Variants in AUTS2 observed in about 807,000 individuals in gnomAD.
AUTS2 encodes activator of transcription and developmental regulator AUTS2, also known as autism susceptibility gene 2 protein.
In AUTS2, 17 loss-of-function variants were observed where a neutral mutation model predicts 112.4. The ratio of observed to expected loss-of-function variants is 0.15; its 90% CI spans 0.10 to 0.23. The LOEUF is 0.23. Ranked by LOEUF, AUTS2 falls within the 10% of genes least tolerant of loss-of-function variation. The pLI is 1.00. For missense variants in AUTS2, 1,510 were observed against 1,701.6 expected (o/e 0.89, Z 1.98); for synonymous variants, 751 against 702.7 (o/e 1.07, Z -1.09).
In AUTS2 at chr7:70,068,178, C is replaced by CT. The variant is rs774140092; in HGVS notation, c.523-49940dup. Among the ~76,000 whole-genome samples the CT allele has an allele frequency of 6.6e-3, 914 of 137,702 alleles. 6 individuals are homozygous for CT. Among genetic ancestry groups the CT allele is most frequent in the Middle Eastern group, 0.019 (5 of 260 alleles). 90.3% of individuals were successfully genotyped at this position (137,702 alleles called of 152,430 possible). On this transcript the variant is annotated intron_variant, in intron 2 of 18. Coordinates refer to ENST00000342771, the MANE Select transcript of AUTS2 (RefSeq NM_015570.4). Reference sequence around the variant, plus strand: ...CAAAACATAAGTAGATTTTTTTTTTCTTTTTTTTTTTTTTGAGAGAGATGG... The same window carrying CT: ...CAAAACATAAGTAGATTTTTTTTTTCTTTTTTTTTTTTTTTGAGAGAGATGG...
rs551245890 is a variant in AUTS2 at position 69,971,111 on chromosome 7, G to A, written c.522+71613G>A. Among the ~76,000 whole-genome samples, 9 of 152,248 alleles carry A rather than the reference G, an allele frequency of 5.9e-5. No homozygotes were observed. In the South Asian group the frequency reaches 6.2e-4, roughly 11 times the overall value. On this transcript the variant is annotated intron_variant, in intron 2 of 18. Coordinates refer to ENST00000342771, the MANE Select transcript of AUTS2 (RefSeq NM_015570.4). ...GAGGTTCACCTGAGCCTGGGAGGTC[G>A]AGGCTGCAGTGGGCTATGATCCCAC... is the stretch of plus-strand genomic sequence containing the variant.
At chr7:69,970,747 A>G (rs1797816418) in intron 2 of AUTS2, among the ~76,000 whole-genome samples, 1 of 152,202 alleles carries the variant, frequency 6.6e-6, no homozygotes, top group Non-Finnish European at 1.5e-5. Context: ...TTGACCTTGT[A>G]TATACATAAT....
In AUTS2 at chr7:70,486,695, G is replaced by A. The variant is rs1279634106; in HGVS notation, c.690+50914G>A. On this transcript the variant is annotated intron_variant, in intron 5 of 18. Coordinates refer to ENST00000342771, the MANE Select transcript of AUTS2 (RefSeq NM_015570.4). ...GATTGCTTGAACCTAATAGGCAGAGGTTGCAGTGAGCCAAGATCACGCCAC... is the reference window on the plus strand; with the variant it reads ...GATTGCTTGAACCTAATAGGCAGAGATTGCAGTGAGCCAAGATCACGCCAC... Among the ~76,000 whole-genome samples the A allele has an allele frequency of 2.6e-5, 4 of 151,954 alleles. No individual in the cohort carries two copies. In the South Asian group the frequency reaches 6.2e-4, roughly 24 times the overall value.
chr7:70,787,471 C>T lies in AUTS2; in HGVS notation c.2531+40C>T, dbSNP rs755097860. 1.4e-5 allele frequency: 20 copies of T among 1,425,266 alleles called. 1 individual carries two copies. The South Asian group carries it at 2.5e-4, about 18-fold the overall frequency. 88.3% of individuals were successfully genotyped at this position (1,425,266 alleles called of 1,614,324 possible). Reference sequence around the variant, plus strand: ...CGCTCTCGAGTCCCCACGGGGGAGCCTGCTCTATGCCAAGTACCAGTGGAA... The same window carrying T: ...CGCTCTCGAGTCCCCACGGGGGAGCTTGCTCTATGCCAAGTACCAGTGGAA... On this transcript the variant is annotated intron_variant, in intron 18 of 18. Coordinates refer to ENST00000342771, the MANE Select transcript of AUTS2 (RefSeq NM_015570.4).
intron 2 of AUTS2, among the ~76,000 whole-genome samples, chr7:69,968,313 ACTGT>A (rs1797711501): frequency 6.6e-6 from 1 of 152,202 alleles, no homozygotes; most frequent in Non-Finnish European, 1.5e-5. Flanking sequence ...TGATCTCTTT[ACTGT>A]CTGTCAGGGG....
intron 2 of AUTS2, among the ~76,000 whole-genome samples, chr7:70,085,502 A>G (rs1013998214): frequency 2.0e-5 from 3 of 151,976 alleles, no homozygotes; most frequent in African/African-American, 7.3e-5. Flanking sequence ...AGTAGCTGGA[A>G]TTACAGGTGC....
At chr7:70,315,001 A>G (rs1789929986) in intron 4 of AUTS2, among the ~76,000 whole-genome samples, 1 of 152,216 alleles carries the variant, frequency 6.6e-6, no homozygotes, top group Non-Finnish European at 1.5e-5. Flanking sequence ...TCAAGGTCAA[A>G]GAACTTTTAT....
intron 5 of AUTS2, among the ~76,000 whole-genome samples, chr7:70,546,428 AGT>A (rs762183879): frequency 1.3e-5 from 2 of 151,774 alleles, no homozygotes; most frequent in Non-Finnish European, 2.9e-5. Context: ...TAGGCAACAG[AGT>A]GAGACTCTGT....
intron 4 of AUTS2, among the ~76,000 whole-genome samples, chr7:70,348,806 G>A (rs922570162): frequency 4.6e-5 from 7 of 152,024 alleles, no homozygotes; most frequent in African/African-American, 9.7e-5. Flanking sequence ...GCGAGACTCC[G>A]TCTCAAAAAA....
chr7:69,968,416 T>C (rs1243518510), intron 2 of AUTS2, among the ~76,000 whole-genome samples: 1 of 152,222 alleles, frequency 6.6e-6, no homozygotes, highest in Non-Finnish European at 1.5e-5. Context: ...TCTGGACTTT[T>C]AGGGGAAAAG....
intron 5 of AUTS2, among the ~76,000 whole-genome samples, chr7:70,440,836 A>G (rs942293145): frequency 2.6e-5 from 4 of 152,202 alleles, no homozygotes; most frequent in African/African-American, 9.6e-5. Flanking sequence ...CCAAATGCCA[A>G]ACACTGTCGG....
intron 5 of AUTS2, among the ~76,000 whole-genome samples, chr7:70,565,801 T>C (rs1483533718): frequency 6.6e-6 from 1 of 152,230 alleles, no homozygotes; most frequent in African/African-American, 2.4e-5. Context: ...GAATAGCATA[T>C]AATTTCCTGA....
chr7:70,153,872 G>C (rs1807592661), intron 4 of AUTS2, among the ~76,000 whole-genome samples: 1 of 152,180 alleles, frequency 6.6e-6, no homozygotes, highest in African/African-American at 2.4e-5. Flanking sequence ...AATTACGGGA[G>C]AGAAAATGCA....
chr7:69,624,723 C>G (rs1254197383), intron 1 of AUTS2, among the ~76,000 whole-genome samples: 1 of 152,212 alleles, frequency 6.6e-6, no homozygotes, highest in Non-Finnish European at 1.5e-5. Context: ...TCGCCACTAT[C>G]AACTAAACAG....
At chr7:69,706,397 G>A (rs893908581) in intron 1 of AUTS2, among the ~76,000 whole-genome samples, 1 of 152,116 alleles carries the variant, frequency 6.6e-6, no homozygotes, top group East Asian at 1.9e-4. Context: ...CCTGCAGCCG[G>A]CCTGGAGAAG....
At position 69,984,200 on chromosome 7, in the gene AUTS2, G is replaced by A. The variant is rs554452901; in HGVS notation, c.522+84702G>A. ...TGGGAGGCCAAGGCGGGCGGATCACGAGGTCAGGAGATCGAGACCACGGTG... is the reference window on the plus strand; with the variant it reads ...TGGGAGGCCAAGGCGGGCGGATCACAAGGTCAGGAGATCGAGACCACGGTG... On this transcript the variant is annotated intron_variant, in intron 2 of 18. Coordinates refer to ENST00000342771, the MANE Select transcript of AUTS2 (RefSeq NM_015570.4). 2.9e-3 allele frequency among the ~76,000 whole-genome samples: 436 copies of A among 152,078 alleles called. 3 individuals carry two copies. Among genetic ancestry groups the A allele is most frequent in the African/African-American group, 0.01 (421 of 41,524 alleles).
intron 4 of AUTS2, among the ~76,000 whole-genome samples, chr7:70,211,801 A>G (rs1416888691): frequency 6.6e-6 from 1 of 151,860 alleles, no homozygotes; most frequent in African/African-American, 2.4e-5. Flanking sequence ...CCTGGCTAAC[A>G]TGGTGAAATC....
intron 1 of AUTS2, among the ~76,000 whole-genome samples, chr7:69,635,778 C>T (rs879875743): frequency 3.3e-5 from 5 of 152,220 alleles, no homozygotes; most frequent in South Asian, 2.1e-4. Context: ...AAGCCTCTTT[C>T]GCTGTATTTT....
intron 4 of AUTS2, among the ~76,000 whole-genome samples, chr7:70,175,025 A>T (rs1380761238): frequency 6.6e-6 from 1 of 152,180 alleles, no homozygotes; most frequent in African/African-American, 2.4e-5. Context: ...CCTCTGATGG[A>T]TCTGGGCAAA....
Sources: allele counts gnomAD v4.1 joint callset (sites outside exome capture counted in the v4.1 genomes callset), GRCh38; gene constraint gnomAD v4.1.1; transcripts MANE v1.5; gene names NCBI Gene and HGNC (gene_info 2026-07-23, HGNC 2026-07-21).